Variants in HGS observed in about 807,000 individuals in gnomAD.
HGS encodes the protein human growth factor-regulated tyrosine kinase substrate.
Under a neutral mutation model 109.7 loss-of-function variants are expected in HGS, and 63 were observed. The observed-to-expected ratio is 0.57, with a 90% CI of 0.47 to 0.71. The LOEUF (loss-of-function observed/expected upper bound fraction) is 0.71, where lower values mean the gene tolerates loss of function less well. Ranked by LOEUF, HGS falls within the 30% of genes least tolerant of loss-of-function variation. HGS has a pLI of 0.00. For synonymous variants in HGS, 546 were observed against 437.3 expected (o/e 1.25, Z -3.10); for missense variants, 995 against 1,068.3 (o/e 0.93, Z 0.96).
At position 81,695,332 on chromosome 17, in the gene HGS, AG is replaced by A. The variant is rs199896723; in HGVS notation, c.1179+112del. On this transcript the variant is annotated intron_variant, in intron 14 of 21. Coordinates refer to ENST00000329138, the MANE Select transcript of HGS (RefSeq NM_004712.5). Reference sequence around the variant, plus strand: ...CTAACCAGAGGGCCGTGCTAGAGCAAGGGTGTCTGCCCCAGCCCAGCCCTGG... The same window carrying A: ...CTAACCAGAGGGCCGTGCTAGAGCAAGGTGTCTGCCCCAGCCCAGCCCTGG... 1,063 of 1,222,588 alleles carry A rather than the reference AG, an allele frequency of 8.7e-4. 29 individuals carry two copies. In the East Asian group the frequency reaches 0.025, roughly 29 times the overall value. The allele number at this position is 1,222,588 out of a possible 1,614,324, so 75.7% of individuals were successfully genotyped here. A position where few individuals can be genotyped will look rare whatever the true frequency, so the allele number is the denominator to read the frequency against.
intron 4 of HGS, 80 bp downstream of exon 4, chr17:81,687,175 A>G (rs1302779484): frequency 2.2e-6 from 2 of 924,724 alleles, no homozygotes; most frequent in African/African-American, 1.6e-5. Flanking sequence ...CACTGATGAC[A>G]GAACAGCACC....
intron 4 of HGS, among the ~76,000 whole-genome samples, chr17:81,688,074 G>A (rs1372656423): frequency 6.6e-6 from 1 of 152,230 alleles, no homozygotes; most frequent in Non-Finnish European, 1.5e-5. Context: ...GAGGGGTTCT[G>A]GAAAGGAGCT....
chr17:81,699,912 A>G (rs1486014309), intron 18 of HGS, among the ~76,000 whole-genome samples: 2 of 151,020 alleles, frequency 1.3e-5, no homozygotes, highest in African/African-American at 2.4e-5. Context: ...CGTCTCTCCT[A>G]AAAATACAAA....
rs776143187 is a variant in HGS, at chr17:81,693,555, A to C, written c.715A>C (p.Thr239Pro). The C allele has an allele frequency of 6.2e-7, 1 of 1,612,268 alleles. No individual in the cohort carries two copies. Among genetic ancestry groups the C allele is most frequent in the South Asian group, 1.1e-5 (1 of 90,966 alleles). ...CACTGAGCTGCCCCCCGAGTACCTG[A>C]CCAGCCCCCTGTCTCAGCAGTCCCA... ...STTELPPEYL[T>P]SPLSQQSQLP... Residue 239 changes from threonine to proline, a missense_variant, in exon 9 of 22, where the codon ACC (threonine) becomes CCC (proline). By Grantham distance (38) the Thr-to-Pro change is conservative. This residue lies in a region of HGS where 300 missense variants were observed against 235.4 expected (regional missense o/e 1.27). Coordinates refer to ENST00000329138, the MANE Select transcript of HGS (RefSeq NM_004712.5).
intron 4 of HGS, among the ~76,000 whole-genome samples, chr17:81,688,254 T>C (rs2037011238): frequency 6.6e-6 from 1 of 151,154 alleles, no homozygotes; most frequent in African/African-American, 2.5e-5. Context: ...CGCTCTGAAT[T>C]TGGAGGCATT....
At chr17:81,693,235 C>T (rs147383147) in intron 8 of HGS, among the ~76,000 whole-genome samples, 4 of 152,264 alleles carry the variant, frequency 2.6e-5, no homozygotes, top group African/African-American at 4.8e-5. Flanking sequence ...CTTCGCAGGC[C>T]GGGCTGGTGT....
chr17:81,701,448 C>T (rs959650209), intron 21 of HGS, 60 bp from the exon 22 acceptor site: 16 of 1,491,252 alleles, frequency 1.1e-5, no homozygotes, highest in Admixed American at 8.2e-5. Flanking sequence ...GGGACAAAAG[C>T]CTTCCTCCCT....
rs778708618 is a variant in HGS at position 81,687,038 on chromosome 17, A to G, written c.234A>G (p.Thr78=). 1.1e-5 allele frequency: 18 copies of G among 1,613,252 alleles called. No individual in the cohort carries two copies. The highest frequency in any genetic ancestry group is 1.1e-5 in the Non-Finnish European group (13 of 1,179,908). ...MESVVKNCGQ[T]VHDEVANKQT... ...CTGTGGTAAAGAACTGTGGCCAGAC[A>G]GTTCATGATGAGGTGGCCAACAAGC... The change falls in exon 4 of 22, where the codon ACA becomes ACG. Residue 78 remains threonine (T), a synonymous_variant. Coordinates refer to ENST00000329138, the MANE Select transcript of HGS (RefSeq NM_004712.5).
chr17:81,685,361 C>A (rs1391085347), intron 1 of HGS, among the ~76,000 whole-genome samples: 1 of 152,190 alleles, frequency 6.6e-6, no homozygotes, highest in East Asian at 1.9e-4. Flanking sequence ...CTTTACCTCG[C>A]TCGCGGGTTG....
chr17:81,685,043 G>A, intron 1 of HGS: 1 of 985,430 alleles, frequency 1.0e-6, no homozygotes, highest in Non-Finnish European at 1.2e-6. Context: ...AGTTGTTGGA[G>A]ACAGCAGTGA....
In HGS at chr17:81,693,595, T is replaced by G. The variant is rs1233651561; in HGVS notation, c.741+14T>G. 2.6e-6 allele frequency: 4 copies of G among 1,566,242 alleles called. No individual in the cohort carries two copies. The highest frequency in any genetic ancestry group is 1.7e-5 in the Admixed American group (1 of 57,456). On this transcript the variant is annotated intron_variant, in intron 9 of 21. Transcript: ENST00000329138. ...CAGCAGTCCCAGGTACTCAGCCCCC[T>G]CCGTCCCGTGGGCACCTCTTCCCCG... is the stretch of plus-strand genomic sequence containing the variant.
rs779925099 is a variant in HGS at position 81,693,932 on chromosome 17, G to GC, written c.909dup (p.Ala304ArgfsTer17). On this transcript the variant is annotated frameshift_variant, in exon 11 of 22. Transcript: ENST00000329138. LOFTEE classifies it high-confidence loss of function. The stretch of plus-strand genomic sequence containing the variant: ...AGCCCATGCCCTCGGCCTCCTCAGC[G>GC]CCCCCCGCCAGCAGCCTGTACTCTT... 4 of 1,611,002 alleles carry GC rather than the reference G, an allele frequency of 2.5e-6. No homozygotes were observed. The highest frequency in any genetic ancestry group is 8.5e-7 in the Non-Finnish European group (1 of 1,179,686).
In HGS at chr17:81,690,784, C is replaced by A. The variant is rs757890417; in HGVS notation, c.537+42C>A. 1.2e-5 allele frequency: 19 copies of A among 1,566,394 alleles called. 1 individual carries two copies. In the South Asian group the frequency reaches 2.0e-4, roughly 17 times the overall value. ...GGGGCTCTACAGCCCCGGCCAGACA[C>A]CAGGTCCCCTGCCGTGCACAAGGCC... On this transcript the variant is annotated intron_variant, in intron 7 of 21. Transcript: ENST00000329138.
At chr17:81,694,155 G>C (rs1357998998) in intron 11 of HGS, among the ~76,000 whole-genome samples, 190 bp downstream of exon 11, 1 of 152,164 alleles carries the variant, frequency 6.6e-6, no homozygotes, top group Non-Finnish European at 1.5e-5. Flanking sequence ...GTTGCTCCTG[G>C]TCCCTGGTTC....
chr17:81,687,814 C>T (rs1192329852), intron 4 of HGS, among the ~76,000 whole-genome samples: 2 of 152,178 alleles, frequency 1.3e-5, no homozygotes, highest in African/African-American at 4.8e-5. Flanking sequence ...TAGGAGACTC[C>T]CTGGACTCAC....
At chr17:81,690,829 T>G in intron 7 of HGS, 87 bp downstream of exon 7, 1 of 1,197,096 alleles carries the variant, frequency 8.4e-7, no homozygotes. Flanking sequence ...GCTGGGCCTT[T>G]CCTTCCTGGT....
chr17:81,700,385 A>AG lies in HGS; in HGVS notation c.1883-81dup. ...TCCATCTCAAAAAAAAAAAAAAAAAAGTAAAACTCAAGAGTAGGGTGTCCC... is the reference window on the plus strand; with the variant it reads ...TCCATCTCAAAAAAAAAAAAAAAAAAGGTAAAACTCAAGAGTAGGGTGTCCC... On this transcript the variant is annotated intron_variant, in intron 18 of 21. Transcript: ENST00000329138. The AG allele has an allele frequency of 4.5e-6, 6 of 1,337,892 alleles. No individual in the cohort carries two copies. The African/African-American group carries it at 7.5e-5, about 17-fold the overall frequency. The allele number at this position is 1,337,892 out of a possible 1,614,324, so 82.9% of individuals were successfully genotyped here.
intron 18 of HGS, among the ~76,000 whole-genome samples, chr17:81,699,158 A>C (rs1367577919): frequency 1.3e-5 from 2 of 152,212 alleles, no homozygotes; most frequent in African/African-American, 4.8e-5. Context: ...CAATATACTC[A>C]ATTGCTCAGC....
chr17:81,688,687 C>G lies in HGS; in HGVS notation c.292-17C>G, dbSNP rs528097559. 3 of 1,613,130 alleles carry G rather than the reference C, an allele frequency of 1.9e-6. No homozygotes were observed. In the East Asian group the frequency reaches 6.7e-5, roughly 36 times the overall value. On this transcript the variant is annotated splice_polypyrimidine_tract_variant and intron_variant, in intron 4 of 21. Transcript: ENST00000329138. ...TGGAGTGTCCTGCGACCCTCACCCC[C>G]TTCTCCCTGCCTGCAGAGACAAGTG... is the stretch of plus-strand genomic sequence containing the variant.
Sources: gnomAD v4.1 joint callset for allele counts (sites outside exome capture counted in the v4.1 genomes callset) on GRCh38, gnomAD v4.1.1 for gene constraint, gnomAD v4.1.1 regional missense constraint, MANE v1.5 for transcripts, NCBI Gene and HGNC (gene_info 2026-07-23, HGNC 2026-07-21) for gene names.